Variants in GREB1L observed in about 807,000 individuals in gnomAD.
GREB1L encodes GREB1-like protein.
GREB1L carries 17 observed loss-of-function variants against 200.8 expected under a neutral mutation model. That is an observed-to-expected ratio of 0.08 (90% CI 0.06 to 0.13). The LOEUF (loss-of-function observed/expected upper bound fraction) is 0.13. Among genes scored for constraint, GREB1L ranks in the 10% least tolerant of loss-of-function variants. The pLI is 1.00. For missense variants in GREB1L, 1,657 were observed against 2,367.7 expected, an observed-to-expected ratio of 0.70 and a Z score of 6.23; for synonymous variants, 789 against 893.0, an observed-to-expected ratio of 0.88 and a Z score of 2.08.
intron 1 of GREB1L, among the ~76,000 whole-genome samples, chr18:21,262,325 T>C (rs2037902192): frequency 6.6e-6 from 1 of 152,158 alleles, no homozygotes; most frequent in Admixed American, 6.5e-5. Flanking sequence ...TCCTCTTAAC[T>C]TCTGAGGCTT....
chr18:21,481,098 A>G (rs1056262266), intron 17 of GREB1L, among the ~76,000 whole-genome samples: 5 of 152,224 alleles, frequency 3.3e-5, no homozygotes, highest in Admixed American at 2.6e-4. Flanking sequence ...GGAGAATAAG[A>G]CAATTTCAAA....
At chr18:21,518,309 A>G in intron 31 of GREB1L, 75 bp downstream of exon 31, 1 of 1,380,202 alleles carries the variant, frequency 7.2e-7, no homozygotes, top group Non-Finnish European at 9.8e-7. Context: ...TTTACAAAAA[A>G]GGAGCCTGTG....
chr18:21,322,136 G>A (rs2038960314), intron 1 of GREB1L, among the ~76,000 whole-genome samples: 1 of 152,180 alleles, frequency 6.6e-6, no homozygotes, highest in South Asian at 2.1e-4. Flanking sequence ...TTCAGAAGGT[G>A]GCTGGATGTA....
Position 21,346,079 on chromosome 18 carries a change from A to G in GREB1L, c.-119-19948A>G, listed in dbSNP as rs538891806. Among the ~76,000 whole-genome samples, 9 of 152,262 alleles carry G rather than the reference A, an allele frequency of 5.9e-5. No homozygotes were observed. The South Asian group carries it at 1.5e-3, about 25-fold the overall frequency. On this transcript the variant is annotated intron_variant, in intron 1 of 32. Transcript: ENST00000424526. ...TTGAATGAGAAAATGAGGTAGCGGC[A>G]TGCCTAGATTAAGCTACTGACAATA...
chr18:21,409,824 GT>G (rs1157375739), intron 7 of GREB1L, among the ~76,000 whole-genome samples: 1 of 152,064 alleles, frequency 6.6e-6, no homozygotes, highest in African/African-American at 2.4e-5. Flanking sequence ...AACAACGCCT[GT>G]TTTGCATCTT....
intron 1 of GREB1L, among the ~76,000 whole-genome samples, chr18:21,362,513 C>T (rs1051367427): frequency 6.6e-6 from 1 of 152,098 alleles, no homozygotes; most frequent in African/African-American, 2.4e-5. Flanking sequence ...TGGAAATTTT[C>T]TTAAGCATTT....
intron 19 of GREB1L, among the ~76,000 whole-genome samples, chr18:21,492,286 T>C (rs965381514): frequency 5.3e-5 from 8 of 150,856 alleles, no homozygotes; most frequent in Non-Finnish European, 1.0e-4. Context: ...GCGGAGCTTG[T>C]AGTGAGCCGA....
intron 1 of GREB1L, among the ~76,000 whole-genome samples, chr18:21,267,340 G>A (rs1426285401): frequency 1.3e-5 from 2 of 151,570 alleles, no homozygotes; most frequent in South Asian, 2.1e-4. Context: ...TGCCACCACA[G>A]CCAGCTAATT....
chr18:21,506,789 A>T (rs1056240297), intron 25 of GREB1L, among the ~76,000 whole-genome samples: 4 of 152,246 alleles, frequency 2.6e-5, no homozygotes, highest in Admixed American at 2.0e-4. Flanking sequence ...ATAGGAATGA[A>T]GAACATGGGC....
At chr18:21,504,133 A>G (rs1836281404) in intron 23 of GREB1L, among the ~76,000 whole-genome samples, 1 of 152,072 alleles carries the variant, frequency 6.6e-6, no homozygotes, top group Non-Finnish European at 1.5e-5. Flanking sequence ...AGGGTTGGCC[A>G]GGCTGGTCTC....
At chr18:21,514,939 A>C (rs576809582) in intron 28 of GREB1L, among the ~76,000 whole-genome samples, 1 of 152,252 alleles carries the variant, frequency 6.6e-6, no homozygotes, top group African/African-American at 2.4e-5. Flanking sequence ...CGACACAATA[A>C]ACCCCCAAAA....
rs555121698 is a variant in GREB1L, at chr18:21,441,124, A to G, written c.1070-276A>G. Among the ~76,000 whole-genome samples, 4 of 152,306 alleles carry G rather than the reference A, an allele frequency of 2.6e-5. No individual in the cohort carries two copies. The East Asian group carries it at 7.7e-4, about 29-fold the overall frequency. On this transcript the variant is annotated intron_variant, in intron 9 of 32. Coordinates refer to ENST00000424526, the MANE Select transcript of GREB1L (RefSeq NM_001142966.3). ...TCTTGGGGGGAAAGCTAAGATACCA[A>G]ACAGGATCCAAAATATTGCATATGG... is the stretch of plus-strand genomic sequence containing the variant.
intron 23 of GREB1L, among the ~76,000 whole-genome samples, chr18:21,503,254 T>G (rs1327854081): frequency 6.6e-6 from 1 of 152,022 alleles, no homozygotes; most frequent in Non-Finnish European, 1.5e-5. Flanking sequence ...TCGTCCAGGC[T>G]GGAGTGCAGT....
chr18:21,366,213 A>G (rs1456787207), intron 2 of GREB1L, 77 bp downstream of exon 2: 2 of 152,286 alleles, frequency 1.3e-5, no homozygotes, highest in Middle Eastern at 3.4e-3. Flanking sequence ...TTAGAATTCA[A>G]ATAAAACTAC....
Position 21,516,809 on chromosome 18 carries a change from A to G in GREB1L, c.5271+55A>G, listed in dbSNP as rs977340974. 1.7e-4 allele frequency: 256 copies of G among 1,468,000 alleles called. 1 individual carries two copies. Among genetic ancestry groups the G allele is most frequent in the Non-Finnish European group, 1.1e-4 (116 of 1,084,246 alleles). 90.9% of individuals were successfully genotyped at this position (1,468,000 alleles called of 1,614,324 possible). The stretch of plus-strand genomic sequence containing the variant: ...GAAAATAAGCACAATGATAATGACT[A>G]TCTTTGTTATTAGATGTTGGCATTA... On this transcript the variant is annotated intron_variant, in intron 30 of 32. Coordinates refer to ENST00000424526, the MANE Select transcript of GREB1L (RefSeq NM_001142966.3).
At chr18:21,331,139 G>T (rs1841108561) in intron 1 of GREB1L, among the ~76,000 whole-genome samples, 1 of 152,172 alleles carries the variant, frequency 6.6e-6, no homozygotes, top group African/African-American at 2.4e-5. Context: ...CTACACAATG[G>T]TTGAATTGGT....
chr18:21,515,751 G>A (rs2037394494), intron 29 of GREB1L, 107 bp downstream of exon 29: 5 of 811,680 alleles, frequency 6.2e-6, no homozygotes, highest in African/African-American at 5.1e-5. Flanking sequence ...TTGAGAAGCT[G>A]ACTCTTTATG....
At chr18:21,300,520 TC>T (rs1176693415) in intron 1 of GREB1L, among the ~76,000 whole-genome samples, 1 of 152,150 alleles carries the variant, frequency 6.6e-6, no homozygotes, top group Non-Finnish European at 1.5e-5. Context: ...CCCTTTCCCA[TC>T]CCCCTCTCTA....
intron 1 of GREB1L, among the ~76,000 whole-genome samples, chr18:21,254,603 C>G (rs1439917025): frequency 1.3e-5 from 2 of 152,066 alleles, no homozygotes; most frequent in Non-Finnish European, 2.9e-5. Flanking sequence ...AGGTATTAAA[C>G]AGTAATGAGT....
Sources: gnomAD v4.1 joint callset for allele counts (sites outside exome capture counted in the v4.1 genomes callset) on GRCh38, gnomAD v4.1.1 for gene constraint, MANE v1.5 for transcripts, NCBI Gene and HGNC (gene_info 2026-07-23, HGNC 2026-07-21) for gene names.